The following MAPK10 variants were observed in gnomAD, a reference collection of about 807,000 sequenced individuals.
MAPK10 encodes JNK3 alpha protein kinase.
In MAPK10, 25 loss-of-function variants were observed where a neutral mutation model predicts 59.3. The ratio of observed to expected loss-of-function variants is 0.42; its 90% CI spans 0.31 to 0.59. The LOEUF (loss-of-function observed/expected upper bound fraction) is 0.59. Among genes scored for constraint, MAPK10 ranks in the 20% least tolerant of loss-of-function variants. The pLI, the probability that MAPK10 is intolerant of heterozygous loss-of-function variation, is 0.15. For missense variants in MAPK10, 351 were observed against 568.9 expected (o/e 0.62, Z 3.90); for synonymous variants, 190 against 200.5 (o/e 0.95, Z 0.44).
chr4:86,425,933 T>C (rs951168759), intron 1 of MAPK10, among the ~76,000 whole-genome samples: 3 of 152,220 alleles, frequency 2.0e-5, no homozygotes, highest in Admixed American at 6.5e-5. Context: ...ATTGAGCCAC[T>C]GTACTCCAGC....
At chr4:86,117,464 T>C (rs1215575264) in intron 4 of MAPK10, 3 of 152,210 alleles carry the variant, frequency 2.0e-5, no homozygotes, top group Non-Finnish European at 4.4e-5. Flanking sequence ...AGCTATCCCT[T>C]CCTCTAAAGA....
At chr4:86,026,205 T>A (rs1441800607) in intron 13 of MAPK10, among the ~76,000 whole-genome samples, 1 of 152,206 alleles carries the variant, frequency 6.6e-6, no homozygotes, top group African/African-American at 2.4e-5. Context: ...TTGGGAGCTT[T>A]ACTTCTCAGG....
At chr4:86,046,227 A>C (rs1280128216) in intron 11 of MAPK10, among the ~76,000 whole-genome samples, 1 of 151,704 alleles carries the variant, frequency 6.6e-6, no homozygotes, top group Non-Finnish European at 1.5e-5. Flanking sequence ...GGTTTTCTAA[A>C]TATGCAATCA....
chr4:86,018,185 A>G (rs1744349802), intron 13 of MAPK10, among the ~76,000 whole-genome samples: 1 of 152,208 alleles, frequency 6.6e-6, no homozygotes, highest in African/African-American at 2.4e-5. Flanking sequence ...CAAGGGTCCT[A>G]TCCCAGAAAT....
intron 3 of MAPK10, among the ~76,000 whole-genome samples, chr4:86,161,979 G>A (rs553087227): frequency 5.3e-5 from 8 of 151,904 alleles, no homozygotes; most frequent in Non-Finnish European, 8.8e-5. Flanking sequence ...GAAGCTTAAC[G>A]ATTCATGTCA....
At chr4:86,170,535 A>G (rs2073788537) in intron 3 of MAPK10, among the ~76,000 whole-genome samples, 3 of 152,136 alleles carry the variant, frequency 2.0e-5, no homozygotes, top group Non-Finnish European at 4.4e-5. Context: ...TATCCTAAAT[A>G]TATATGCACC....
chr4:86,483,982 A>T (rs1753790598), intron 1 of MAPK10, among the ~76,000 whole-genome samples: 2 of 152,320 alleles, frequency 1.3e-5, no homozygotes, highest in African/African-American at 4.8e-5. Flanking sequence ...CCAGGCCAAG[A>T]GAGCAGGCTT....
intron 1 of MAPK10, among the ~76,000 whole-genome samples, chr4:86,578,704 T>C (rs1472420934): frequency 6.6e-6 from 1 of 151,950 alleles, no homozygotes; most frequent in East Asian, 1.9e-4. Context: ...AAAATGCAGT[T>C]TATAAGAGTT....
Position 86,023,908 on chromosome 4 carries a change from G to A in MAPK10, c.1252+5289C>T, listed in dbSNP as rs1172164862. On this transcript the variant is annotated intron_variant, in intron 13 of 13. Coordinates refer to ENST00000641462, the MANE Select transcript of MAPK10 (RefSeq NM_138982.4). ...TGGAACCAGGCGATTATGATAGCATGCTTTATTTATGAGAAAATAACCAGT... is the reference window on the plus strand; with the variant it reads ...TGGAACCAGGCGATTATGATAGCATACTTTATTTATGAGAAAATAACCAGT... 2.1e-5 allele frequency: 3 copies of A among 142,644 alleles called. No individual in the cohort carries two copies. The Admixed American group carries it at 2.1e-4, about 10-fold the overall frequency. 8.8% of individuals were successfully genotyped at this position (142,644 alleles called of 1,614,324 possible). A position where few individuals can be genotyped will look rare whatever the true frequency, so the allele number is the denominator to read the frequency against.
At chr4:86,198,282 C>A (rs1055775889) in intron 2 of MAPK10, among the ~76,000 whole-genome samples, 5 of 152,016 alleles carry the variant, frequency 3.3e-5, no homozygotes, top group African/African-American at 1.2e-4. Flanking sequence ...GATTCCTGCC[C>A]ATTACAAAAG....
rs112682801 is a variant in MAPK10 at position 86,555,632 on chromosome 4, G to T, written c.-263+38278C>A. 5.3e-3 allele frequency among the ~76,000 whole-genome samples: 803 copies of T among 152,212 alleles called. 2 individuals are homozygous for T. The highest frequency in any genetic ancestry group is 8.1e-3 in the Non-Finnish European group (552 of 67,992). ...CAAATGCTGGTATTCTGCATGTTTT[G>T]TATATTGTATAGTATACACATTTTA... is the stretch of plus-strand genomic sequence containing the variant. On this transcript the variant is annotated intron_variant, in intron 1 of 4. Transcript: ENST00000502302.
intron 2 of MAPK10, among the ~76,000 whole-genome samples, chr4:86,278,718 A>G (rs1454447347): frequency 6.6e-6 from 1 of 152,166 alleles, no homozygotes; most frequent in Admixed American, 6.6e-5. Flanking sequence ...TGACATATCA[A>G]TGTTATGTAC....
At chr4:86,305,695 T>A (rs1009247434) in intron 2 of MAPK10, among the ~76,000 whole-genome samples, 6 of 151,828 alleles carry the variant, frequency 4.0e-5, no homozygotes, top group Non-Finnish European at 8.8e-5. Flanking sequence ...GGCCAGTGCC[T>A]GTAATCCCAG....
At chr4:86,149,557 G>A (rs1022842297) in intron 4 of MAPK10, among the ~76,000 whole-genome samples, 1 of 152,094 alleles carries the variant, frequency 6.6e-6, no homozygotes, top group African/African-American at 2.4e-5. Flanking sequence ...ACGAGTCACC[G>A]CACCCAACCT....
chr4:86,358,287 C>G, intron 1 of MAPK10: 1 of 985,368 alleles, frequency 1.0e-6, no homozygotes, highest in South Asian at 4.7e-5. Flanking sequence ...GATAAGCATT[C>G]TGTGTTATCT....
At chr4:86,389,649 CT>C (rs138296718) in intron 1 of MAPK10, among the ~76,000 whole-genome samples, 7,250 of 152,194 alleles carry the variant, frequency 0.048, 229 homozygotes, top group Non-Finnish European at 0.072. Context: ...AAGAATTGTC[CT>C]GTGTTTTGTG....
chr4:86,542,939 A>G (rs1419744046), intron 1 of MAPK10, among the ~76,000 whole-genome samples: 1 of 152,206 alleles, frequency 6.6e-6, no homozygotes, highest in African/African-American at 2.4e-5. Context: ...CCCCAGATCC[A>G]GCATAAGAAC....
upstream of MAPK10, among the ~76,000 whole-genome samples, chr4:86,455,587 T>C (rs1361687694): frequency 1.3e-5 from 2 of 152,162 alleles, no homozygotes; most frequent in Non-Finnish European, 2.9e-5. Flanking sequence ...ATAAAAGGCC[T>C]TGTCCAACAG....
intron 2 of MAPK10, among the ~76,000 whole-genome samples, chr4:86,316,595 G>A (rs62307365): frequency 4.0e-5 from 6 of 151,898 alleles, no homozygotes; most frequent in South Asian, 2.1e-4. Flanking sequence ...CTCATTGGTC[G>A]AAATAAGACA....
Sources: allele counts gnomAD v4.1 joint callset (sites outside exome capture counted in the v4.1 genomes callset), GRCh38; gene constraint gnomAD v4.1.1; transcripts MANE v1.5; gene names NCBI Gene and HGNC (gene_info 2026-07-23, HGNC 2026-07-21).